ZNF775: variants seen among roughly 807,000 people sequenced by gnomAD.
The protein encoded by ZNF775 is zinc finger protein 775.
Under a neutral mutation model 2.4 loss-of-function variants are expected in ZNF775, and 1 was observed. The observed-to-expected ratio is 0.41, with a 90% CI of 0.15 to 1.94. The LOEUF (loss-of-function observed/expected upper bound fraction) is 1.94, where lower values mean the gene tolerates loss of function less well. Among genes scored for constraint, ZNF775 ranks in the 30% most tolerant of loss-of-function variants. The probability of loss-of-function intolerance (pLI) is 0.30; values close to 1 mark genes in which losing one functional copy is unlikely to be tolerated. For missense variants in ZNF775, 823 were observed against 826.6 expected (o/e 1.00, Z 0.05); for synonymous variants, 381 against 373.3 (o/e 1.02, Z -0.24).
intron 2 of ZNF775, among the ~76,000 whole-genome samples, chr7:150,395,594 C>T (rs897561724): frequency 1.2e-4 from 19 of 152,214 alleles, no homozygotes; most frequent in African/African-American, 4.6e-4. Flanking sequence ...TGACTTCTAA[C>T]TCGTGGGTTC....
Position 150,379,367 on chromosome 7 carries a change from C to T in ZNF775, c.-75C>T, listed in dbSNP as rs1316520306. ...AAGTCGCCCTCGGGGTGGCAGTTCC[C>T]GTTAACCTTAGCCACAAAGTCAAAG... is the stretch of plus-strand genomic sequence containing the variant. On this transcript the variant is annotated 5_prime_UTR_variant, in exon 1 of 3. Coordinates refer to ENST00000329630, the MANE Select transcript of ZNF775 (RefSeq NM_173680.4). 8 of 152,230 alleles carry T rather than the reference C, an allele frequency of 5.3e-5. No individual in the cohort carries two copies. The highest frequency in any genetic ancestry group is 3.9e-4 in the Admixed American group (6 of 15,290). 9.4% of individuals were successfully genotyped at this position (152,230 alleles called of 1,614,324 possible).
At chr7:150,387,901 C>T (rs2129621009) in intron 1 of ZNF775, among the ~76,000 whole-genome samples, 1 of 152,216 alleles carries the variant, frequency 6.6e-6, no homozygotes, top group South Asian at 2.1e-4. Flanking sequence ...AGATGGCTGG[C>T]CCCGAAGCTC....
At chr7:150,390,110 A>T (rs1800535888) in intron 2 of ZNF775, among the ~76,000 whole-genome samples, 1 of 151,818 alleles carries the variant, frequency 6.6e-6, no homozygotes, top group Non-Finnish European at 1.5e-5. Context: ...GAACCATTAA[A>T]ACCTAAAACA....
chr7:150,397,362 C>T lies in ZNF775; in HGVS notation c.881C>T (p.Ser294Leu). Residue 294 changes from serine to leucine, a missense_variant, in exon 3 of 3, where the codon TCG becomes TTG. Transcript: ENST00000329630. Reference sequence around the variant, plus strand: ...TGTGGCAAGAGCTTCACCTGGTGGTCGTCGCTGAACATCCACCAGCGCATC... The same window carrying T: ...TGTGGCAAGAGCTTCACCTGGTGGTTGTCGCTGAACATCCACCAGCGCATC... ...NECGKSFTWW[S>L]SLNIHQRIHT... The T allele has an allele frequency of 1.3e-6, 2 of 1,595,894 alleles. No homozygotes were observed. Among genetic ancestry groups the T allele is most frequent in the East Asian group, 2.3e-5 (1 of 44,228 alleles).
In ZNF775 at chr7:150,395,697, C is replaced by G. The variant is rs372250368; in HGVS notation, c.32-816C>G. Among the ~76,000 whole-genome samples the G allele has an allele frequency of 4.6e-5, 7 of 152,340 alleles. No homozygotes were observed. The East Asian group carries it at 9.6e-4, about 21-fold the overall frequency. On this transcript the variant is annotated intron_variant, in intron 2 of 2. Coordinates refer to ENST00000329630, the MANE Select transcript of ZNF775 (RefSeq NM_173680.4). The stretch of plus-strand genomic sequence containing the variant: ...GATGGTTTCTTTATGGCTTCTTATT[C>G]TGTGAGCTGGGAAGACAAAGTGCCT...
chr7:150,388,466 C>T lies in ZNF775; in HGVS notation c.-5C>T. On this transcript the variant is annotated 5_prime_UTR_variant, in exon 2 of 3. An upstream open reading frame in the 5' UTR gains an earlier in-frame stop. Coordinates refer to ENST00000329630, the MANE Select transcript of ZNF775 (RefSeq NM_173680.4). ...GCCGGCGCTGATGCTGGGAGGCCTCCAGGGATGGAGAGTGGCCTGGCTGGC... is the reference window on the plus strand; with the variant it reads ...GCCGGCGCTGATGCTGGGAGGCCTCTAGGGATGGAGAGTGGCCTGGCTGGC... 6.4e-7 allele frequency: 1 copy of T among 1,551,678 alleles called. No homozygotes were observed. The highest frequency in any genetic ancestry group is 8.7e-7 in the Non-Finnish European group (1 of 1,146,994).
rs776212366 is a variant in ZNF775, at chr7:150,398,132, G to T, written c.*37G>T. The T allele has an allele frequency of 8.5e-6, 13 of 1,532,680 alleles. No homozygotes were observed. The East Asian group carries it at 9.8e-5, about 12-fold the overall frequency. The allele number at this position is 1,532,680 out of a possible 1,614,324, so 94.9% of individuals were successfully genotyped here. A position where few individuals can be genotyped will look rare whatever the true frequency, so the allele number is the denominator to read the frequency against. ...TCAGCGGACCCGTGGTGGTGCGGGG[G>T]ATGTTTGCGGGGTGTGTGTGGGGAG... On this transcript the variant is annotated 3_prime_UTR_variant, in exon 3 of 3. Coordinates refer to ENST00000329630, the MANE Select transcript of ZNF775 (RefSeq NM_173680.4).
chr7:150,380,451 GT>G (rs1419208757), intron 1 of ZNF775, among the ~76,000 whole-genome samples: 2 of 152,176 alleles, frequency 1.3e-5, no homozygotes, highest in Non-Finnish European at 2.9e-5. Flanking sequence ...AGGTGCACAG[GT>G]TAAACAGAGA....
At chr7:150,394,553 G>A (rs1800614881) in intron 2 of ZNF775, among the ~76,000 whole-genome samples, 1 of 151,810 alleles carries the variant, frequency 6.6e-6, no homozygotes, top group Admixed American at 6.6e-5. Context: ...TTTGCCTTTG[G>A]TTATAATGTT....
intron 1 of ZNF775, among the ~76,000 whole-genome samples, chr7:150,387,781 G>A (rs924812626): frequency 1.3e-5 from 2 of 151,498 alleles, no homozygotes; most frequent in African/African-American, 4.8e-5. Flanking sequence ...CTGCACTCCA[G>A]CCTGGGCAAC....
rs1400415184 is a variant in ZNF775 at position 150,397,835 on chromosome 7, G to C, written c.1354G>C (p.Gly452Arg). The C allele has an allele frequency of 6.2e-7, 1 of 1,600,622 alleles. No homozygotes were observed. Among genetic ancestry groups the C allele is most frequent in the African/African-American group, 1.3e-5 (1 of 74,720 alleles). Residue 452 changes from glycine to arginine, a missense_variant, in exon 3 of 3, where the codon GGC becomes CGC. Transcript: ENST00000329630. ...GCGCCAGTTCATCTGCAACGAGTGC[G>C]GCAAGAGCTTCTCGTGGTGGTCGGC... ...EPRQFICNEC[G>R]KSFSWWSALT...
chr7:150,379,547 C>A (rs778317212), intron 1 of ZNF775, among the ~76,000 whole-genome samples, 155 bp downstream of exon 1: 1 of 151,824 alleles, frequency 6.6e-6, no homozygotes, highest in Non-Finnish European at 1.5e-5. Flanking sequence ...GCCTGGGGTG[C>A]CCCGAGCCCC....
Position 150,397,811 on chromosome 7 carries a change from C to T in ZNF775, c.1330C>T (p.Arg444Cys), listed in dbSNP as rs1255687030. Residue 444 changes from arginine (R) to cysteine (C), a missense_variant, in exon 3 of 3, where the codon CGC becomes TGC. Arg to Cys is a radical substitution (Grantham distance 180). Coordinates refer to ENST00000329630, the MANE Select transcript of ZNF775 (RefSeq NM_173680.4). Reference protein sequence around the residue: ...QAGLAGPGEPRQFICNECGKS... With the variant: ...QAGLAGPGEPCQFICNECGKS... ...GGGCCTCGCTGGGCCTGGCGAGCCGCGCCAGTTCATCTGCAACGAGTGCGG... is the reference window on the plus strand; with the variant it reads ...GGGCCTCGCTGGGCCTGGCGAGCCGTGCCAGTTCATCTGCAACGAGTGCGG... 2.5e-6 allele frequency: 4 copies of T among 1,585,942 alleles called. No individual in the cohort carries two copies. The highest frequency in any genetic ancestry group is 3.4e-6 in the Non-Finnish European group (4 of 1,170,750).
chr7:150,397,875 A>G lies in ZNF775; in HGVS notation c.1394A>G (p.Gln465Arg). The G allele has an allele frequency of 6.2e-7, 1 of 1,603,436 alleles. No individual in the cohort carries two copies. Among genetic ancestry groups the G allele is most frequent in the Middle Eastern group, 1.7e-4 (1 of 6,050 alleles). The change falls in exon 3 of 3, where the codon CAG (glutamine) becomes CGG (arginine). Residue 465 changes from glutamine (Q) to arginine (R), a missense_variant. Transcript: ENST00000329630. ...TGGTGGTCGGCGCTCACCATCCACCAGCGCATCCACACGGGTGAGCGGCCC... is the reference window on the plus strand; with the variant it reads ...TGGTGGTCGGCGCTCACCATCCACCGGCGCATCCACACGGGTGAGCGGCCC... ...FSWWSALTIH[Q>R]RIHTGERPYP...
intron 2 of ZNF775, among the ~76,000 whole-genome samples, chr7:150,395,621 C>G (rs192151620): frequency 8.0e-4 from 122 of 152,324 alleles, no homozygotes; most frequent in Non-Finnish European, 1.2e-3. Context: ...CCAGTTTCTC[C>G]TCTTCACATA....
At chr7:150,391,392 C>T (rs1425454900) in intron 2 of ZNF775, among the ~76,000 whole-genome samples, 2 of 152,104 alleles carry the variant, frequency 1.3e-5, no homozygotes, top group African/African-American at 2.4e-5. Context: ...CATGCAATCA[C>T]AGCTACTTGG....
Position 150,397,012 on chromosome 7 carries a change from C to T in ZNF775, c.531C>T (p.His177=), listed in dbSNP as rs371575884. Residue 177 remains histidine (H), a synonymous_variant, in exon 3 of 3, where the codon CAC becomes CAT. Transcript: ENST00000329630. ...ECARRFSQKQ[H]LLKHQKTHSR... is the part of the protein sequence containing the mutation. Reference sequence around the variant, plus strand: ...CGCGGCGCTTCAGCCAGAAGCAGCACCTGCTCAAGCACCAGAAGACCCACT... The same window carrying T: ...CGCGGCGCTTCAGCCAGAAGCAGCATCTGCTCAAGCACCAGAAGACCCACT... The T allele has an allele frequency of 9.3e-5, 149 of 1,599,086 alleles. No homozygotes were observed. The highest frequency in any genetic ancestry group is 1.2e-4 in the Non-Finnish European group (141 of 1,178,914).
Position 150,397,997 on chromosome 7 carries a change from G to T in ZNF775, c.1516G>T (p.Ala506Ser), listed in dbSNP as rs760144248. Residue 506 changes from alanine (A) to serine (S), a missense_variant, in exon 3 of 3, where the codon GCC (alanine) becomes TCC (serine). By Grantham distance (99) the Ala-to-Ser change is moderately conservative. Transcript: ENST00000329630. ...HTGERPYLCP[A>S]CGRGFSQKQH... ...AGGCGAGCGGCCCTACCTGTGTCCC[G>T]CCTGCGGCCGCGGCTTCAGCCAGAA... 6.3e-7 allele frequency: 1 copy of T among 1,589,072 alleles called. No individual in the cohort carries two copies. The highest frequency in any genetic ancestry group is 8.5e-7 in the Non-Finnish European group (1 of 1,173,902).
In ZNF775 at chr7:150,397,582, C is replaced by G; in HGVS notation, c.1101C>G (p.Pro367=). Residue 367 remains proline, a synonymous_variant, in exon 3 of 3, where the codon CCC becomes CCG. Coordinates refer to ENST00000329630, the MANE Select transcript of ZNF775 (RefSeq NM_173680.4). ...RTHLPGAQAA[P]CPSCGKSCRS... is the part of the protein sequence containing the mutation. ...ACCTGCCCGGCGCCCAGGCTGCGCC[C>G]TGCCCCAGCTGCGGTAAGAGCTGCC... 6.8e-7 allele frequency: 1 copy of G among 1,477,786 alleles called. No homozygotes were observed. The highest frequency in any genetic ancestry group is 2.8e-5 in the East Asian group (1 of 35,534). The allele number at this position is 1,477,786 out of a possible 1,614,324, so 91.5% of individuals were successfully genotyped here.
Sources: gnomAD v4.1 joint callset for allele counts (sites outside exome capture counted in the v4.1 genomes callset) on GRCh38, gnomAD v4.1.1 for gene constraint, MANE v1.5 for transcripts, NCBI Gene and HGNC (gene_info 2026-07-23, HGNC 2026-07-21) for gene names.